ADGRL1: variants seen among roughly 807,000 people sequenced by gnomAD.
The protein encoded by ADGRL1 is CIRL-1.
In ADGRL1, 31 loss-of-function variants were observed where a neutral mutation model predicts 148.9. The observed-to-expected ratio is 0.21, with a 90% confidence interval of 0.16 to 0.28. ADGRL1 has a LOEUF of 0.28. Ranked by LOEUF, ADGRL1 falls within the 10% of genes least tolerant of loss-of-function variation. ADGRL1 has a pLI of 1.00. For synonymous variants in ADGRL1, 937 were observed against 900.3 expected, an observed-to-expected ratio of 1.04 and a Z score of -0.73; for missense variants, 1,521 against 2,058.8, an observed-to-expected ratio of 0.74 and a Z score of 5.05.
At chr19:14,172,248 C>T (rs1970522720) in intron 3 of ADGRL1, among the ~76,000 whole-genome samples, 1 of 152,080 alleles carries the variant, frequency 6.6e-6, no homozygotes, top group East Asian at 1.9e-4. Context: ...ATAGTGAAAC[C>T]CTGTCTCTAC....
Position 14,163,401 on chromosome 19 carries a change from C to A in ADGRL1, c.400G>T (p.Val134Leu), listed in dbSNP as rs573966874. The A allele has an allele frequency of 6.4e-7, 1 of 1,552,296 alleles. No individual in the cohort carries two copies. ...VQYDCVPYIF[V>L]CPGTLQKVLE... ...ACCTTCTGCAGGGTCCCTGGGCACA[C>A]GAAGACTGGGCAGAGTGGGCGGGAG... is the stretch of plus-strand genomic sequence containing the variant. The change falls in exon 5 of 23, where the codon GTG becomes TTG. Residue 134 changes from valine (V) to leucine (L), a missense_variant. Transcript: ENST00000361434.
At chr19:14,190,807 G>A (rs1261268585) in intron 1 of ADGRL1, among the ~76,000 whole-genome samples, 1 of 152,122 alleles carries the variant, frequency 6.6e-6, no homozygotes, top group African/African-American at 2.4e-5. Flanking sequence ...GACAATCTTG[G>A]CCGGGCGCAG....
Position 14,160,729 on chromosome 19 carries a change from G to A in ADGRL1, c.1511-33C>T, listed in dbSNP as rs1454898581. 1 of 1,272,444 alleles carries A rather than the reference G, an allele frequency of 7.9e-7. No homozygotes were observed. Among genetic ancestry groups the A allele is most frequent in the South Asian group, 1.2e-5 (1 of 82,406 alleles). The allele number at this position is 1,272,444 out of a possible 1,614,324, so 78.8% of individuals were successfully genotyped here. On this transcript the variant is annotated intron_variant, in intron 6 of 22. Coordinates refer to ENST00000361434, the MANE Select transcript of ADGRL1 (RefSeq NM_014921.5). The surrounding 1 kb of genome is among the most constrained non-coding windows in gnomAD (Gnocchi z 5.9). ...GACAGACAGACAGGAACAGACAAGG[G>A]AGCCAAAGGGAAGAAGAGAAGGATG...
rs1969315697 is a variant in ADGRL1, at chr19:14,161,065, G to A, written c.1510+247C>T. On this transcript the variant is annotated intron_variant, in intron 6 of 22. Coordinates refer to ENST00000361434, the MANE Select transcript of ADGRL1 (RefSeq NM_014921.5). The surrounding 1 kb of genome is among the most constrained non-coding windows in gnomAD (Gnocchi z 4.4). ...CCATGTGAAGCTGACTGTGCCTGGG[G>A]CTGTGGCAGGTCAGCCTGAGGCCGG... is the stretch of plus-strand genomic sequence containing the variant. Among the ~76,000 whole-genome samples the A allele has an allele frequency of 6.6e-6, 1 of 152,226 alleles. No individual in the cohort carries two copies. Among genetic ancestry groups the A allele is most frequent in the Admixed American group, 6.5e-5 (1 of 15,286 alleles).
Position 14,156,913 on chromosome 19 carries a change from G to A in ADGRL1, c.2966+12C>T, listed in dbSNP as rs756304670. Reference sequence around the variant, plus strand: ...AGGTGGGAGGGTGCAGGGCTGGGAGGTGGAAACTCACGCCTTCTCGGTGCC... The same window carrying A: ...AGGTGGGAGGGTGCAGGGCTGGGAGATGGAAACTCACGCCTTCTCGGTGCC... On this transcript the variant is annotated intron_variant, in intron 15 of 22. Transcript: ENST00000361434. 3 of 1,607,464 alleles carry A rather than the reference G, an allele frequency of 1.9e-6. No individual in the cohort carries two copies. The East Asian group carries it at 6.7e-5, about 36-fold the overall frequency.
chr19:14,158,563 C>G lies in ADGRL1; in HGVS notation c.2150-11G>C, dbSNP rs1568575549. 6.8e-6 allele frequency: 11 copies of G among 1,609,992 alleles called. No individual in the cohort carries two copies. The highest frequency in any genetic ancestry group is 1.3e-5 in the African/African-American group (1 of 74,950). On this transcript the variant is annotated splice_polypyrimidine_tract_variant and intron_variant, in intron 11 of 22. Transcript: ENST00000361434. ...CAACTTTGACCACCCCTGGTGAGAA[C>G]AGGCACGTTTGGATGTGTCAGCATC...
chr19:14,183,406 G>C, intron 2 of ADGRL1, 127 bp downstream of exon 2: 1 of 841,536 alleles, frequency 1.2e-6, no homozygotes, highest in Non-Finnish European at 1.8e-6. Flanking sequence ...TGCTCCAGCT[G>C]AGGTCTGGGG....
In ADGRL1 at chr19:14,150,944, G is replaced by T; in HGVS notation, c.4339C>A (p.Leu1447Met). ...QVRRPSHEGY[L>M]AAPGLEGPGP... is the part of the protein sequence containing the mutation. Reference sequence around the variant, plus strand: ...GGCCCCTCAAGGCCTGGGGCTGCCAGGTAGCCCTCGTGGCTAGGACGCCGC... The same window carrying T: ...GGCCCCTCAAGGCCTGGGGCTGCCATGTAGCCCTCGTGGCTAGGACGCCGC... Residue 1447 changes from leucine to methionine, a missense_variant, in exon 23 of 23, where the codon CTG (leucine) becomes ATG (methionine). Physicochemically the swap from Leu to Met is conservative, Grantham distance 15. Coordinates refer to ENST00000361434, the MANE Select transcript of ADGRL1 (RefSeq NM_014921.5). 6 of 1,610,384 alleles carry T rather than the reference G, an allele frequency of 3.7e-6. No individual in the cohort carries two copies. Among genetic ancestry groups the T allele is most frequent in the Non-Finnish European group, 5.1e-6 (6 of 1,179,094 alleles).
At position 14,173,512 on chromosome 19, in the gene ADGRL1, T is replaced by C. The variant is rs115319643; in HGVS notation, c.285-2721A>G. Among the ~76,000 whole-genome samples the C allele has an allele frequency of 6.7e-3, 1,013 of 152,296 alleles. 18 individuals are homozygous for C. Among genetic ancestry groups the C allele is most frequent in the African/African-American group, 0.023 (975 of 41,564 alleles). ...GGCATCCACTGGGGTTCTTGGAGCG[T>C]TTCCCCAGTGGGTAAGTGGGGATTA... On this transcript the variant is annotated intron_variant, in intron 3 of 22. Coordinates refer to ENST00000361434, the MANE Select transcript of ADGRL1 (RefSeq NM_014921.5).
intron 1 of ADGRL1, among the ~76,000 whole-genome samples, chr19:14,198,167 G>T (rs1347057792): frequency 6.6e-6 from 1 of 151,914 alleles, no homozygotes; most frequent in African/African-American, 2.4e-5. Flanking sequence ...GGTGAGGGCG[G>T]CTGGGGAGGG....
In ADGRL1 at chr19:14,161,431, G is replaced by A. The variant is rs767022136; in HGVS notation, c.1391C>T (p.Ala464Val). The part of the protein sequence containing the change: ...APVPSTRRPP[A>V]PNLHVSPELF... Reference sequence around the variant, plus strand: ...CTCAGGGGACACGTGTAGATTCGGGGCTGGGGGCCGCCGGGTGCTGGGGAC... The same window carrying A: ...CTCAGGGGACACGTGTAGATTCGGGACTGGGGGCCGCCGGGTGCTGGGGAC... Residue 464 changes from alanine to valine, a missense_variant, in exon 6 of 23, where the codon GCC (alanine) becomes GTC (valine). By Grantham distance (64) the Ala-to-Val change is moderately conservative (BLOSUM62 0). This residue lies in a region of ADGRL1 where 270 missense variants were observed against 320.4 expected (regional missense o/e 0.84). Transcript: ENST00000361434. This position sits in a 1 kb window ranked among gnomAD's most constrained non-coding sequence, Gnocchi z 4.4. The A allele has an allele frequency of 1.8e-5, 27 of 1,480,454 alleles. No homozygotes were observed. Among genetic ancestry groups the A allele is most frequent in the Non-Finnish European group, 2.3e-5 (26 of 1,117,192 alleles). 91.7% of individuals were successfully genotyped at this position (1,480,454 alleles called of 1,614,324 possible).
intron 1 of ADGRL1, among the ~76,000 whole-genome samples, chr19:14,204,532 A>C (rs1972831845): frequency 6.6e-6 from 1 of 152,140 alleles, no homozygotes; most frequent in Non-Finnish European, 1.5e-5. Context: ...GAGAAGCAGA[A>C]ACCAATGGTC....
In ADGRL1 at chr19:14,162,875, G is replaced by A. The variant is rs1411059763; in HGVS notation, c.926C>T (p.Ser309Leu). ...ACACACCATGAAGGCGTTGGATGCC[G>A]AGCGCTTGTCGTAACCCGTCTCCCA... is the stretch of plus-strand genomic sequence containing the variant. Reference protein sequence around the residue: ...GTWETGYDKRSASNAFMVCGV... With the variant: ...GTWETGYDKRLASNAFMVCGV... Residue 309 changes from serine to leucine, a missense_variant, in exon 5 of 23, where the codon TCG becomes TTG. Around this residue, in one of 8 missense-constraint regions of ADGRL1, gnomAD observed 334 missense variants for 512.5 expected, o/e 0.65. Coordinates refer to ENST00000361434, the MANE Select transcript of ADGRL1 (RefSeq NM_014921.5). The surrounding 1 kb of genome is among the most constrained non-coding windows in gnomAD (Gnocchi z 5.4). The A allele has an allele frequency of 8.7e-6, 14 of 1,613,904 alleles. No homozygotes were observed. The highest frequency in any genetic ancestry group is 1.1e-5 in the Non-Finnish European group (13 of 1,179,922).
chr19:14,191,753 T>C (rs1971956318), intron 1 of ADGRL1, among the ~76,000 whole-genome samples: 1 of 151,696 alleles, frequency 6.6e-6, no homozygotes, highest in Non-Finnish European at 1.5e-5. Flanking sequence ...TGGAGTGCAG[T>C]GGCACAATCC....
At position 14,158,467 on chromosome 19, in the gene ADGRL1, T is replaced by A. The variant is rs41276898; in HGVS notation, c.2235A>T (p.Glu745Asp). 1 of 1,613,770 alleles carries A rather than the reference T, an allele frequency of 6.2e-7. No homozygotes were observed. The highest frequency in any genetic ancestry group is 1.7e-5 in the Admixed American group (1 of 60,006). The change falls in exon 12 of 23, where the codon GAA becomes GAT. Residue 745 changes from glutamate to aspartate, a missense_variant. Physicochemically the swap from Glu to Asp is conservative, Grantham distance 45 (BLOSUM62 2). Coordinates refer to ENST00000361434, the MANE Select transcript of ADGRL1 (RefSeq NM_014921.5). ...TENATVKLAG[E>D]AGPGGPGGAS... The stretch of plus-strand genomic sequence containing the variant: ...CGCCCCCAGGGCCACCCGGGCCTGC[T>A]TCGCCGGCCAGCTTCACTGTGGCAT...
intron 1 of ADGRL1, among the ~76,000 whole-genome samples, chr19:14,184,600 T>TTTTTA (rs1361941887): frequency 3.4e-4 from 50 of 146,516 alleles, no homozygotes; most frequent in African/African-American, 1.2e-3. Flanking sequence ...CACCAGCTAA[T>TTTTTA]TTTTATTTTA....
At chr19:14,198,441 C>T (rs192415289) in intron 1 of ADGRL1, among the ~76,000 whole-genome samples, 1 of 152,282 alleles carries the variant, frequency 6.6e-6, no homozygotes, top group East Asian at 1.9e-4. Flanking sequence ...CAAGCACTGG[C>T]TGCTTCTGGC....
chr19:14,168,298 G>A (rs1355981152), intron 4 of ADGRL1, among the ~76,000 whole-genome samples: 1 of 152,124 alleles, frequency 6.6e-6, no homozygotes, highest in Non-Finnish European at 1.5e-5. Flanking sequence ...GAACATTTTG[G>A]GGACAAGTGA....
intron 1 of ADGRL1, among the ~76,000 whole-genome samples, chr19:14,186,806 C>T (rs1971598645): frequency 6.6e-6 from 1 of 152,174 alleles, no homozygotes; most frequent in Non-Finnish European, 1.5e-5. Flanking sequence ...AAACATTCAA[C>T]ATTCCAGTTC....
Sources: gnomAD v4.1 joint callset for allele counts (sites outside exome capture counted in the v4.1 genomes callset) on GRCh38, gnomAD v4.1.1 for gene constraint, gnomAD v4.1.1 regional missense constraint, Gnocchi (gnomAD v3.1) non-coding constraint, MANE v1.5 for transcripts, NCBI Gene and HGNC (gene_info 2026-07-23, HGNC 2026-07-21) for gene names.